Variants in CRBN observed in about 807,000 individuals in gnomAD.
The protein encoded by CRBN is cereblon.
Under a neutral mutation model 62.2 loss-of-function variants are expected in CRBN, and 53 were observed. That is an observed-to-expected ratio of 0.85 (90% confidence interval 0.68 to 1.07). The LOEUF is 1.07. Among genes scored for constraint, CRBN ranks in the 50% least tolerant of loss-of-function variants. The probability of loss-of-function intolerance (pLI) is 0.00; values close to 1 mark genes in which losing one functional copy is unlikely to be tolerated. For missense variants in CRBN, 616 were observed against 531.1 expected (o/e 1.16, Z -1.57); for synonymous variants, 208 against 176.1 (o/e 1.18, Z -1.43).
chr3:3,152,278 G>A (rs980951104), intron 10 of CRBN, among the ~76,000 whole-genome samples, 178 bp downstream of exon 10: 3 of 151,446 alleles, frequency 2.0e-5, no homozygotes, highest in Admixed American at 6.6e-5. Context: ...TCAGCATCCC[G>A]AGCAGCTGGG....
At position 3,175,261 on chromosome 3, in the gene CRBN, CA is replaced by C; in HGVS notation, c.75del (p.Ser25ArgfsTer23). The C allele has an allele frequency of 6.2e-7, 1 of 1,603,136 alleles. No individual in the cohort carries two copies. Among genetic ancestry groups the C allele is most frequent in the East Asian group, 2.2e-5 (1 of 44,816 alleles). On this transcript the variant is annotated frameshift_variant, in exon 2 of 11. Transcript: ENST00000231948. LOFTEE classifies it high-confidence loss of function. Reference sequence around the variant, plus strand: ...TCAACTTCCATTTCATCTTCTTCCTCACTCTCTGCTATAAAAGTAGAATATT... The same window carrying C: ...TCAACTTCCATTTCATCTTCTTCCTCCTCTCTGCTATAAAAGTAGAATATT... Reference protein sequence around the residue: ...GNHLPLLPAESEEEDEMEVED... With the variant: ...GNHLPLLPAEXEEEDEMEVED...
At position 3,167,501 on chromosome 3, in the gene CRBN, T is replaced by C; in HGVS notation, c.687+133A>G. On this transcript the variant is annotated intron_variant, in intron 5 of 10. Coordinates refer to ENST00000231948, the MANE Select transcript of CRBN (RefSeq NM_016302.4). ...AGCTGCCTGTGCAATTTTTAGAGGA[T>C]CAAATGTAGCTGGAATATTGCCATA... The C allele has an allele frequency of 7.0e-6, 6 of 861,070 alleles. 1 individual carries two copies. In the South Asian group the frequency reaches 9.9e-5, roughly 14 times the overall value. The allele number at this position is 861,070 out of a possible 1,614,324, so 53.3% of individuals were successfully genotyped here.
chr3:3,155,097 T>C (rs1032993814), intron 6 of CRBN: 3 of 479,654 alleles, frequency 6.3e-6, no homozygotes, highest in South Asian at 2.4e-5. Context: ...TGTTCTGTTC[T>C]ATGCCCCTGC....
chr3:3,152,951 A>AT (rs1213577042), intron 9 of CRBN: 5 of 310,088 alleles, frequency 1.6e-5, no homozygotes, highest in African/African-American at 1.1e-4. Flanking sequence ...GCAGTTGATT[A>AT]TTTTGCAGAA....
chr3:3,174,800 T>G (rs1420594309), intron 2 of CRBN, among the ~76,000 whole-genome samples: 1 of 152,206 alleles, frequency 6.6e-6, no homozygotes, highest in East Asian at 1.9e-4. Context: ...ATTCAAGAAT[T>G]TTTTTAGTAC....
At chr3:3,168,338 T>C (rs1393727540) in intron 4 of CRBN, among the ~76,000 whole-genome samples, 2 of 152,316 alleles carry the variant, frequency 1.3e-5, no homozygotes, top group East Asian at 1.9e-4. Context: ...CTTTTCACGT[T>C]CTTAAGAGTT....
intron 6 of CRBN, chr3:3,155,677 C>T (rs141193936): frequency 9.5e-4 from 147 of 154,642 alleles, no homozygotes; most frequent in African/African-American, 3.2e-3. Flanking sequence ...GATCAAGAGA[C>T]GTAAGTTAAT....
intron 7 of CRBN, 168 bp downstream of exon 7, chr3:3,154,579 T>A: frequency 2.0e-6 from 1 of 501,226 alleles, no homozygotes; most frequent in African/African-American, 2.8e-5. Context: ...CAATTAATTT[T>A]AAAATACTCA....
chr3:3,169,714 T>C (rs1312650823), intron 4 of CRBN, among the ~76,000 whole-genome samples: 2 of 152,234 alleles, frequency 1.3e-5, no homozygotes, highest in Non-Finnish European at 2.9e-5. Flanking sequence ...AAGCTATATA[T>C]GTGTAACATT....
intron 5 of CRBN, among the ~76,000 whole-genome samples, chr3:3,166,568 A>G (rs1559251652): frequency 6.6e-6 from 1 of 152,200 alleles, no homozygotes; most frequent in Non-Finnish European, 1.5e-5. Context: ...GTCTTAAAGC[A>G]GTCTAATTAT....
rs746753352 is a variant in CRBN, at chr3:3,156,294, C to CAA, written c.688-15_688-14dup. ...AATGAAACTTTCTCTGAAAACAAAA[C>CAA]AAAAAGGCACTTAAAAAACCCCACA... On this transcript the variant is annotated splice_polypyrimidine_tract_variant and intron_variant, in intron 5 of 10. Coordinates refer to ENST00000231948, the MANE Select transcript of CRBN (RefSeq NM_016302.4). 6.2e-7 allele frequency: 1 copy of CAA among 1,612,146 alleles called. No individual in the cohort carries two copies. The highest frequency in any genetic ancestry group is 1.1e-5 in the South Asian group (1 of 91,004).
chr3:3,165,842 AAC>A (rs1707307390), intron 5 of CRBN, among the ~76,000 whole-genome samples: 2 of 152,202 alleles, frequency 1.3e-5, no homozygotes, highest in South Asian at 4.1e-4. Flanking sequence ...CATAGGGAAC[AAC>A]TTGATGCAGT....
rs781341371 is a variant in CRBN at position 3,167,650 on chromosome 3, C to T, written c.671G>A (p.Trp224Ter). 1.2e-6 allele frequency: 2 copies of T among 1,612,670 alleles called. No individual in the cohort carries two copies. Among genetic ancestry groups the T allele is most frequent in the South Asian group, 2.2e-5 (2 of 90,908 alleles). Residue 224 changes from tryptophan to a stop codon, truncating the protein, a stop_gained, in exon 5 of 11, where the codon TGG (tryptophan) becomes TAG (stop). Transcript: ENST00000231948. LOFTEE classifies it high-confidence loss of function. ...GTTTCTCACCTTCTGGTATTTCTGCCACCATTTATATGAACATTGGTCTTC... is the reference window on the plus strand; with the variant it reads ...GTTTCTCACCTTCTGGTATTTCTGCTACCATTTATATGAACATTGGTCTTC... ...SREDQCSYKWWQKYQKRKFHC... is the reference protein window; with the variant it reads ...SREDQCSYKW
Position 3,150,781 on chromosome 3 carries a change from G to GGTATGTATC in CRBN, c.*75_*83dup, listed in dbSNP as rs1312820176. 8 of 1,287,222 alleles carry GGTATGTATC rather than the reference G, an allele frequency of 6.2e-6. No homozygotes were observed. The highest frequency in any genetic ancestry group is 8.8e-6 in the Non-Finnish European group (8 of 908,032). The allele number at this position is 1,287,222 out of a possible 1,614,324, so 79.7% of individuals were successfully genotyped here. ...TAGGTATTAATGTTATGTTTACTTA[G>GGTATGTATC]GTATGTATCAGAGGCAATAATTTCC... is the stretch of plus-strand genomic sequence containing the variant. On this transcript the variant is annotated 3_prime_UTR_variant, in exon 11 of 11. Transcript: ENST00000231948.
chr3:3,164,088 C>T (rs776096546), intron 5 of CRBN, among the ~76,000 whole-genome samples: 10 of 152,166 alleles, frequency 6.6e-5, no homozygotes, highest in African/African-American at 2.2e-4. Flanking sequence ...GCTCCACTGA[C>T]GAGCCCCTCC....
chr3:3,157,506 C>G (rs899084167), intron 5 of CRBN, among the ~76,000 whole-genome samples: 2 of 152,028 alleles, frequency 1.3e-5, no homozygotes, highest in African/African-American at 4.8e-5. Flanking sequence ...AGAGGAAGAC[C>G]CTACTCCTGC....
intron 5 of CRBN, among the ~76,000 whole-genome samples, chr3:3,166,449 C>T (rs995442076): frequency 1.4e-4 from 22 of 152,092 alleles, no homozygotes; most frequent in Non-Finnish European, 7.4e-5. Context: ...ATGTCTTTAT[C>T]GGCAGCGTGA....
intron 5 of CRBN, among the ~76,000 whole-genome samples, chr3:3,166,548 T>C (rs947228550): frequency 6.6e-6 from 1 of 152,240 alleles, no homozygotes; most frequent in East Asian, 1.9e-4. Context: ...AGTTTCAAGG[T>C]TGTTTGGGAG....
intron 5 of CRBN, among the ~76,000 whole-genome samples, chr3:3,157,661 C>T (rs1400502851): frequency 6.6e-6 from 1 of 152,068 alleles, no homozygotes; most frequent in Non-Finnish European, 1.5e-5. Context: ...AAAAGGGACT[C>T]GGGACTGAGC....
Sources: allele counts gnomAD v4.1 joint callset (sites outside exome capture counted in the v4.1 genomes callset), GRCh38; gene constraint gnomAD v4.1.1; transcripts MANE v1.5; gene names NCBI Gene and HGNC (gene_info 2026-07-23, HGNC 2026-07-21).